TMCC3: variants seen among roughly 807,000 people sequenced by gnomAD.
The protein encoded by TMCC3 is transmembrane and coiled-coil domain protein 3.
A neutral mutation model predicts 40.2 loss-of-function variants in TMCC3; 28 were observed. The ratio of observed to expected loss-of-function variants is 0.70; its 90% CI spans 0.52 to 0.95. The LOEUF is 0.95. TMCC3 is among the 40% of genes least tolerant of loss of function. TMCC3 has a pLI of 0.00. For missense variants in TMCC3, 554 were observed against 615.2 expected, an observed-to-expected ratio of 0.90 and a Z score of 1.05; for synonymous variants, 255 against 248.5, an observed-to-expected ratio of 1.03 and a Z score of -0.25.
intron 1 of TMCC3, among the ~76,000 whole-genome samples, chr12:94,647,677 T>C (rs375946709): frequency 6.6e-6 from 1 of 152,272 alleles, no homozygotes; most frequent in African/African-American, 2.4e-5. Flanking sequence ...TAGCACTCGA[T>C]GTCTTCCTCT....
Position 94,581,845 on chromosome 12 carries a change from A to AAC in TMCC3, c.770_771dup (p.Ser258ValfsTer33). 1 of 1,614,074 alleles carries AAC rather than the reference A, an allele frequency of 6.2e-7. No individual in the cohort carries two copies. Among genetic ancestry groups the AAC allele is most frequent in the Non-Finnish European group, 8.5e-7 (1 of 1,179,912 alleles). On this transcript the variant is annotated frameshift_variant, in exon 2 of 4. Coordinates refer to ENST00000261226, the MANE Select transcript of TMCC3 (RefSeq NM_020698.4). LOFTEE classifies it high-confidence loss of function. ...TCGGCCGAGCCTGACGTGCCACTCGAACATTCATCATCACTGCCATACTTG... is the reference window on the plus strand; with the variant it reads ...TCGGCCGAGCCTGACGTGCCACTCGAACACATTCATCATCACTGCCATACTTG...
intron 1 of TMCC3, among the ~76,000 whole-genome samples, chr12:94,596,197 G>A (rs1327502606): frequency 1.3e-5 from 2 of 152,184 alleles, no homozygotes; most frequent in African/African-American, 2.4e-5. Context: ...CCTAGGGTAA[G>A]GCTGGACCTT....
rs1403045508 is a variant in TMCC3 at position 94,571,079 on chromosome 12, G to A, written c.*356C>T. The A allele has an allele frequency of 1.2e-5, 3 of 241,144 alleles. No individual in the cohort carries two copies. Among genetic ancestry groups the A allele is most frequent in the African/African-American group, 6.8e-5 (3 of 44,422 alleles). 14.9% of individuals were successfully genotyped at this position (241,144 alleles called of 1,614,324 possible). A position where few individuals can be genotyped will look rare whatever the true frequency, so the allele number is the denominator to read the frequency against. The stretch of plus-strand genomic sequence containing the variant: ...GAAAACAACCATTAGCAATTGTGAA[G>A]CTCAATTCTGACAGAGACTTAGGAG... On this transcript the variant is annotated 3_prime_UTR_variant, in exon 4 of 4. Transcript: ENST00000261226.
intron 1 of TMCC3, among the ~76,000 whole-genome samples, chr12:94,636,879 T>C (rs1423876662): frequency 6.6e-6 from 1 of 152,216 alleles, no homozygotes; most frequent in Admixed American, 6.5e-5. Context: ...AAGAAGAGAT[T>C]GCAGTCCTGG....
intron 1 of TMCC3, among the ~76,000 whole-genome samples, chr12:94,632,216 T>C (rs1323124074): frequency 3.3e-5 from 5 of 152,228 alleles, no homozygotes; most frequent in East Asian, 1.9e-4. Flanking sequence ...TACATCTTAA[T>C]TGAATGTGGG....
At chr12:94,649,735 C>A (rs2069042522) in intron 1 of TMCC3, among the ~76,000 whole-genome samples, 1 of 152,264 alleles carries the variant, frequency 6.6e-6, no homozygotes, top group African/African-American at 2.4e-5. Flanking sequence ...TTTTCGCCCA[C>A]AGCCAAAATC....
At position 94,611,221 on chromosome 12, in the gene TMCC3, C is replaced by A. The variant is rs371963847; in HGVS notation, c.79-28683G>T. Among the ~76,000 whole-genome samples, 337 of 152,074 alleles carry A rather than the reference C, an allele frequency of 2.2e-3. No individual in the cohort carries two copies. The South Asian group carries it at 0.023, about 10-fold the overall frequency. ...CTACTGAAAAGAGAAATTTTAAATCCCATTTCCCAAGGAAATAAAACCATG... is the reference window on the plus strand; with the variant it reads ...CTACTGAAAAGAGAAATTTTAAATCACATTTCCCAAGGAAATAAAACCATG... On this transcript the variant is annotated intron_variant, in intron 1 of 3. Coordinates refer to ENST00000261226, the MANE Select transcript of TMCC3 (RefSeq NM_020698.4).
chr12:94,648,320 C>T (rs908680414), intron 1 of TMCC3, among the ~76,000 whole-genome samples: 2 of 152,120 alleles, frequency 1.3e-5, no homozygotes, highest in African/African-American at 4.8e-5. Flanking sequence ...CTCCGCCTCC[C>T]GGGTTCAAGT....
intron 1 of TMCC3, among the ~76,000 whole-genome samples, chr12:94,633,812 C>T (rs943354955): frequency 8.5e-5 from 13 of 152,096 alleles, no homozygotes; most frequent in African/African-American, 2.7e-4. Flanking sequence ...ACTAACAGTT[C>T]GCTGAATGAG....
intron 3 of TMCC3, 23 bp downstream of exon 3, chr12:94,578,371 T>C: frequency 1.9e-6 from 3 of 1,611,244 alleles, no homozygotes; most frequent in Non-Finnish European, 1.7e-6. Context: ...CAGGCCTGTG[T>C]CTAATCACAA....
intron 1 of TMCC3, among the ~76,000 whole-genome samples, chr12:94,604,723 G>A (rs113455258): frequency 0.02 from 2,874 of 141,622 alleles, 111 homozygotes; most frequent in African/African-American, 0.072. Flanking sequence ...AGGATTTCTT[G>A]AGCCTAAGAG....
intron 1 of TMCC3, among the ~76,000 whole-genome samples, chr12:94,607,239 CT>C (rs1163657890): frequency 1.3e-5 from 2 of 152,102 alleles, no homozygotes; most frequent in Non-Finnish European, 2.9e-5. Context: ...CTGAAAATCA[CT>C]GTTATTCTGT....
At chr12:94,634,503 G>C (rs1031026534) in intron 1 of TMCC3, among the ~76,000 whole-genome samples, 1 of 151,970 alleles carries the variant, frequency 6.6e-6, no homozygotes, top group Non-Finnish European at 1.5e-5. Flanking sequence ...CTCATTTTAA[G>C]TCTTTCTTTA....
chr12:94,635,660 GTTTTTTTTTTTT>G (rs63480462), intron 1 of TMCC3, among the ~76,000 whole-genome samples: 1 of 89,294 alleles, frequency 1.1e-5, no homozygotes, highest in African/African-American at 4.4e-5. Flanking sequence ...GTGTATGTGG[GTTTTTTTTTTTT>G]TTTTTTTTTT....
chr12:94,633,192 T>A (rs902898879), intron 1 of TMCC3, among the ~76,000 whole-genome samples: 1 of 152,248 alleles, frequency 6.6e-6, no homozygotes, highest in African/African-American at 2.4e-5. Context: ...AGAATACATA[T>A]ATTTAATTAA....
intron 1 of TMCC3, among the ~76,000 whole-genome samples, chr12:94,622,309 T>C (rs2068880040): frequency 6.6e-6 from 1 of 152,158 alleles, no homozygotes; most frequent in Non-Finnish European, 1.5e-5. Context: ...GAGATATAAT[T>C]GCCTCTAATT....
chr12:94,603,616 G>A (rs942490202), intron 1 of TMCC3, among the ~76,000 whole-genome samples: 1 of 152,146 alleles, frequency 6.6e-6, no homozygotes, highest in Admixed American at 6.5e-5. Flanking sequence ...ACCCTTTGCG[G>A]GGAAGTAGGG....
chr12:94,578,306 AGGACTTAGG>A (rs1274831484), intron 3 of TMCC3, 79 bp downstream of exon 3: 1 of 1,480,512 alleles, frequency 6.8e-7, no homozygotes, highest in Non-Finnish European at 9.1e-7. Context: ...GAAACCCTCT[AGGACTTAGG>A]CATAAACATT....
chr12:94,586,487 T>C (rs895385744), intron 1 of TMCC3, among the ~76,000 whole-genome samples: 2 of 152,222 alleles, frequency 1.3e-5, no homozygotes, highest in African/African-American at 4.8e-5. Context: ...TGTTTGTGAG[T>C]TTCATAAGAA....
Sources: allele counts gnomAD v4.1 joint callset (sites outside exome capture counted in the v4.1 genomes callset), GRCh38; gene constraint gnomAD v4.1.1; transcripts MANE v1.5; gene names NCBI Gene and HGNC (gene_info 2026-07-23, HGNC 2026-07-21).